The following RBPJ variants were observed in gnomAD, a reference collection of about 807,000 sequenced individuals.
RBPJ encodes recombining binding protein suppressor of hairless.
Under a neutral mutation model 67.8 loss-of-function variants are expected in RBPJ, and 9 were observed. The observed-to-expected ratio is 0.13, with a 90% CI of 0.08 to 0.23. The LOEUF (loss-of-function observed/expected upper bound fraction) is 0.23. Ranked by LOEUF, RBPJ falls within the 10% of genes least tolerant of loss-of-function variation. The pLI, the probability that RBPJ is intolerant of heterozygous loss-of-function variation, is 1.00. For synonymous variants in RBPJ, 198 were observed against 203.3 expected (o/e 0.97, Z 0.22); for missense variants, 305 against 595.6 (o/e 0.51, Z 5.08).
At chr4:26,173,927 A>T (rs1464007721) in intron 1 of RBPJ, among the ~76,000 whole-genome samples, 2 of 152,192 alleles carry the variant, frequency 1.3e-5, no homozygotes, top group Non-Finnish European at 2.9e-5. Flanking sequence ...AGAGGTGTGT[A>T]CAAAGTACCG....
At chr4:26,246,460 A>G (rs1209666006) in intron 1 of RBPJ, among the ~76,000 whole-genome samples, 1 of 152,220 alleles carries the variant, frequency 6.6e-6, no homozygotes, top group Non-Finnish European at 1.5e-5. Context: ...TCACTGTCCT[A>G]AGAAGATATA....
chr4:26,151,240 A>G, the RBPJ span, among the ~76,000 whole-genome samples: 1 of 152,164 alleles, frequency 6.6e-6, no homozygotes, highest in African/African-American at 2.4e-5. Context: ...TACATGCTCC[A>G]TCTAATTTTC....
At chr4:26,135,640 C>T in the RBPJ span, among the ~76,000 whole-genome samples, 4 of 152,116 alleles carry the variant, frequency 2.6e-5, no homozygotes, top group African/African-American at 9.7e-5. Flanking sequence ...TTCCCTCTGT[C>T]CTGTTTGGCA....
At chr4:26,206,045 T>C (rs1279907210) in intron 1 of RBPJ, among the ~76,000 whole-genome samples, 1 of 152,204 alleles carries the variant, frequency 6.6e-6, no homozygotes, top group African/African-American at 2.4e-5. Context: ...TATAGTCTTA[T>C]ACCTAAAATA....
rs777235777 is a variant in RBPJ, at chr4:26,386,543, T to C, written c.59+152T>C. ...ATTCTCAAACTTCCTTTCCCTCATCTCTCCTCCCGTCCCTCACCAAAAACA... is the reference window on the plus strand; with the variant it reads ...ATTCTCAAACTTCCTTTCCCTCATCCCTCCTCCCGTCCCTCACCAAAAACA... On this transcript the variant is annotated intron_variant, in intron 2 of 10. Transcript: ENST00000355476. 5.5e-6 allele frequency: 3 copies of C among 540,824 alleles called. No homozygotes were observed. In the East Asian group the frequency reaches 9.4e-5, roughly 17 times the overall value. The allele number at this position is 540,824 out of a possible 1,614,324, so 33.5% of individuals were successfully genotyped here. A position where few individuals can be genotyped will look rare whatever the true frequency, so the allele number is the denominator to read the frequency against.
chr4:26,282,584 G>A lies in RBPJ; in HGVS notation c.-166-79862G>A, dbSNP rs577138303. ...TGCCCAGGCTGAAGTGCAATGGCGCGATCTCTGCTCACTGCAACCTCTACC... is the reference window on the plus strand; with the variant it reads ...TGCCCAGGCTGAAGTGCAATGGCGCAATCTCTGCTCACTGCAACCTCTACC... On this transcript the variant is annotated intron_variant, in intron 1 of 4. Transcript: ENST00000512351. 5.3e-5 allele frequency among the ~76,000 whole-genome samples: 8 copies of A among 151,420 alleles called. 1 individual carries two copies. Among genetic ancestry groups the A allele is most frequent in the African/African-American group, 1.7e-4 (7 of 41,100 alleles).
chr4:26,320,933 G>C, upstream of RBPJ: 1 of 1,609,702 alleles, frequency 6.2e-7, no homozygotes, highest in Non-Finnish European at 8.5e-7. Flanking sequence ...TGGAATCGAG[G>C]AGTGAGGAAA....
intron 1 of RBPJ, among the ~76,000 whole-genome samples, chr4:26,209,089 AAG>A (rs1553848867): frequency 0.11 from 5,816 of 54,866 alleles, 178 homozygotes; most frequent in East Asian, 0.23. Context: ...AGCATTACAG[AAG>A]AAAAAAAATA....
At chr4:26,371,669 T>A (rs1729174137) in intron 1 of RBPJ, among the ~76,000 whole-genome samples, 1 of 152,222 alleles carries the variant, frequency 6.6e-6, no homozygotes, top group Admixed American at 6.5e-5. Flanking sequence ...TTTCACCTTA[T>A]GCTATTGCTT....
intron 1 of RBPJ, among the ~76,000 whole-genome samples, chr4:26,358,274 G>C (rs1727623906): frequency 6.6e-6 from 1 of 152,018 alleles, no homozygotes; most frequent in South Asian, 2.1e-4. Context: ...CTAGTAGTAA[G>C]TACCATAATG....
intron 1 of RBPJ, among the ~76,000 whole-genome samples, chr4:26,284,765 G>C (rs981954670): frequency 6.6e-6 from 1 of 151,684 alleles, no homozygotes; most frequent in African/African-American, 2.4e-5. Flanking sequence ...TGTGCCCCCG[G>C]CTGAACTCTT....
intron 1 of RBPJ, among the ~76,000 whole-genome samples, chr4:26,194,469 T>C (rs1717680895): frequency 6.6e-6 from 1 of 152,212 alleles, no homozygotes; most frequent in Non-Finnish European, 1.5e-5. Context: ...ACTTTAATAA[T>C]CTTGTGCCCA....
At chr4:26,184,581 C>T (rs1460671158) in intron 1 of RBPJ, among the ~76,000 whole-genome samples, 1 of 151,712 alleles carries the variant, frequency 6.6e-6, no homozygotes, top group African/African-American at 2.4e-5. Context: ...AAAGAAAGGC[C>T]CAAGGTCAAG....
intron 1 of RBPJ, among the ~76,000 whole-genome samples, chr4:26,272,198 A>G (rs1211025088): frequency 6.6e-6 from 1 of 152,232 alleles, no homozygotes; most frequent in Non-Finnish European, 1.5e-5. Flanking sequence ...TATATGCAGG[A>G]AAGAAAAAGA....
the RBPJ span, chr4:26,113,110 A>C: frequency 5.4e-5 from 10 of 183,604 alleles, no homozygotes; most frequent in Admixed American, 2.7e-4. Flanking sequence ...TGACAGTTCA[A>C]CTTTCATGAT....
intron 2 of RBPJ, among the ~76,000 whole-genome samples, chr4:26,398,935 A>T (rs930243893): frequency 6.6e-6 from 1 of 152,124 alleles, no homozygotes; most frequent in Non-Finnish European, 1.5e-5. Flanking sequence ...TCTGTGTGTT[A>T]TATACTTCAG....
chr4:26,151,784 C>T, the RBPJ span, among the ~76,000 whole-genome samples: 6 of 152,244 alleles, frequency 3.9e-5, no homozygotes, highest in African/African-American at 1.4e-4. Context: ...TGGCCCATCT[C>T]CAAAGGAGGC....
chr4:26,160,110 GGGTTTCACC>G (rs1716050367), upstream of RBPJ, among the ~76,000 whole-genome samples: 1 of 151,800 alleles, frequency 6.6e-6, no homozygotes, highest in African/African-American at 2.4e-5. Context: ...AGTAGAAATG[GGGTTTCACC>G]GTGTTAGCCA....
intron 1 of RBPJ, among the ~76,000 whole-genome samples, chr4:26,329,362 C>T (rs954278068): frequency 6.6e-6 from 1 of 152,128 alleles, no homozygotes; most frequent in East Asian, 1.9e-4. Context: ...TTGGTGGACA[C>T]CATAAGAGAA....
Sources: gnomAD v4.1 joint callset for allele counts (sites outside exome capture counted in the v4.1 genomes callset) on GRCh38, gnomAD v4.1.1 for gene constraint, MANE v1.5 for transcripts, NCBI Gene and HGNC (gene_info 2026-07-23, HGNC 2026-07-21) for gene names.